CADM2: variants seen among roughly 807,000 people sequenced by gnomAD.
CADM2 encodes immunoglobulin superfamily member 4D.
In CADM2, 12 loss-of-function variants were observed where a neutral mutation model predicts 49.8. The ratio of observed to expected loss-of-function variants is 0.24; its 90% CI spans 0.15 to 0.39. The LOEUF (loss-of-function observed/expected upper bound fraction) is 0.39. Ranked by LOEUF, CADM2 falls within the 10% of genes least tolerant of loss-of-function variation. The probability of loss-of-function intolerance (pLI) is 1.00; values close to 1 mark genes in which losing one functional copy is unlikely to be tolerated. For synonymous variants in CADM2, 214 were observed against 175.4 expected, an observed-to-expected ratio of 1.22 and a Z score of -1.74; for missense variants, 378 against 492.3, an observed-to-expected ratio of 0.77 and a Z score of 2.20.
At chr3:85,106,070 T>A (rs1362382923) in intron 1 of CADM2, among the ~76,000 whole-genome samples, 1 of 152,038 alleles carries the variant, frequency 6.6e-6, no homozygotes. Flanking sequence ...ATTGTGCACA[T>A]GTACCCTAAA....
At chr3:85,373,813 T>G (rs2033422895) in intron 1 of CADM2, among the ~76,000 whole-genome samples, 1 of 152,194 alleles carries the variant, frequency 6.6e-6, no homozygotes, top group African/African-American at 2.4e-5. Context: ...CTAAGCTGTA[T>G]GTTGGCCCCT....
At chr3:86,025,502 T>G (rs190148356) in intron 8 of CADM2, among the ~76,000 whole-genome samples, 1 of 152,318 alleles carries the variant, frequency 6.6e-6, no homozygotes, top group African/African-American at 2.4e-5. Flanking sequence ...TTTAAATCTT[T>G]ATACAAATGA....
chr3:85,715,331 T>G (rs547212052), intron 1 of CADM2, among the ~76,000 whole-genome samples: 42 of 152,334 alleles, frequency 2.8e-4, no homozygotes, highest in African/African-American at 9.1e-4. Context: ...GAGCAAAAAG[T>G]ATTTTTTTAG....
chr3:86,023,981 G>C (rs745729025), intron 8 of CADM2, among the ~76,000 whole-genome samples: 1 of 152,148 alleles, frequency 6.6e-6, no homozygotes, highest in Non-Finnish European at 1.5e-5. Context: ...TTCTGTCCAT[G>C]CTCCCATTTC....
chr3:85,751,686 A>G (rs1264739983), intron 2 of CADM2, among the ~76,000 whole-genome samples: 1 of 152,204 alleles, frequency 6.6e-6, no homozygotes, highest in Non-Finnish European at 1.5e-5. Flanking sequence ...TTTGCTTTGC[A>G]TGGTCTTCAC....
intron 1 of CADM2, among the ~76,000 whole-genome samples, chr3:85,429,850 A>G (rs2036585048): frequency 1.3e-5 from 2 of 152,182 alleles, no homozygotes; most frequent in Admixed American, 1.3e-4. Flanking sequence ...AATATGTAAA[A>G]TGTTATAAAA....
Position 85,439,155 on chromosome 3 carries a change from CTTT to C in CADM2, c.62-287352_62-287350del, listed in dbSNP as rs373522509. 1.2e-3 allele frequency among the ~76,000 whole-genome samples: 174 copies of C among 141,014 alleles called. 3 individuals are homozygous for C. In the South Asian group the frequency reaches 0.022, roughly 18 times the overall value. The allele number at this position is 141,014 out of a possible 152,430, so 92.5% of individuals were successfully genotyped here. On this transcript the variant is annotated intron_variant, in intron 1 of 9. Transcript: ENST00000383699. ...GTGACTTAATAATGACTTATAATGA[CTTT>C]TTTTTTTTTTTTTTAACGGAGTTTC...
intron 3 of CADM2, among the ~76,000 whole-genome samples, chr3:85,858,984 C>A (rs2075417269): frequency 6.6e-6 from 1 of 152,238 alleles, no homozygotes; most frequent in South Asian, 2.1e-4. Flanking sequence ...ATTTTTAATA[C>A]CTTCAAACAA....
intron 1 of CADM2, among the ~76,000 whole-genome samples, chr3:85,373,134 G>C (rs910775576): frequency 6.6e-6 from 1 of 152,108 alleles, no homozygotes. Flanking sequence ...ACAGCCCAAA[G>C]TATCCTCTGT....
At chr3:85,061,052 C>G (rs2036290374) in intron 1 of CADM2, among the ~76,000 whole-genome samples, 1 of 152,004 alleles carries the variant, frequency 6.6e-6, no homozygotes, top group Non-Finnish European at 1.5e-5. Context: ...CAAAGACTCC[C>G]TATCAGAAAT....
intron 1 of CADM2, among the ~76,000 whole-genome samples, chr3:85,503,414 A>G (rs2040196726): frequency 6.6e-6 from 1 of 152,184 alleles, no homozygotes; most frequent in Admixed American, 6.5e-5. Flanking sequence ...ATGCATGTAT[A>G]AAGCTAAGGA....
intron 6 of CADM2, among the ~76,000 whole-genome samples, chr3:85,914,045 TA>T (rs746234995): frequency 4.1e-4 from 62 of 152,292 alleles, no homozygotes; most frequent in Non-Finnish European, 7.4e-4. Context: ...GATTACTTTT[TA>T]TATGGAAAAT....
At chr3:85,331,003 A>G (rs1261327311) in intron 1 of CADM2, among the ~76,000 whole-genome samples, 5 of 152,042 alleles carry the variant, frequency 3.3e-5, no homozygotes, top group African/African-American at 4.8e-5. Context: ...ACGTTTATGG[A>G]TATATAATAG....
intron 1 of CADM2, among the ~76,000 whole-genome samples, chr3:85,468,518 A>C (rs914378078): frequency 6.6e-6 from 1 of 152,212 alleles, no homozygotes; most frequent in African/African-American, 2.4e-5. Context: ...AAGTGAGTAT[A>C]TAGTTCACAT....
chr3:86,000,378 T>G (rs1730027460), intron 8 of CADM2, among the ~76,000 whole-genome samples: 1 of 152,336 alleles, frequency 6.6e-6, no homozygotes, highest in African/African-American at 2.4e-5. Context: ...TCTCATTCAT[T>G]CCTTGAATAA....
At chr3:86,032,778 C>T (rs1378718181) in intron 8 of CADM2, among the ~76,000 whole-genome samples, 1 of 151,902 alleles carries the variant, frequency 6.6e-6, no homozygotes, top group Non-Finnish European at 1.5e-5. Context: ...AATTAAACCT[C>T]CTCAAATATT....
chr3:85,685,615 CT>C (rs59277971), intron 1 of CADM2, among the ~76,000 whole-genome samples: 197 of 122,018 alleles, frequency 1.6e-3, no homozygotes, highest in Middle Eastern at 5.6e-3. Flanking sequence ...TTCTTTCTTT[CT>C]TTTTTTTTTT....
intron 8 of CADM2, among the ~76,000 whole-genome samples, chr3:85,962,120 T>A (rs1421544887): frequency 2.6e-5 from 4 of 151,812 alleles, no homozygotes; most frequent in African/African-American, 9.7e-5. Context: ...GCTTTCGCCA[T>A]GTTCACCAGG....
chr3:85,414,973 A>C (rs553372845), intron 1 of CADM2, among the ~76,000 whole-genome samples: 3 of 152,310 alleles, frequency 2.0e-5, no homozygotes, highest in Admixed American at 2.0e-4. Context: ...TTAGTTTAAA[A>C]AAGTAAATCA....
Sources: allele counts gnomAD v4.1 joint callset (sites outside exome capture counted in the v4.1 genomes callset), GRCh38; gene constraint gnomAD v4.1.1; transcripts MANE v1.5; gene names NCBI Gene and HGNC (gene_info 2026-07-23, HGNC 2026-07-21).